Variants in TGM6 observed in about 807,000 individuals in gnomAD.
The protein encoded by TGM6 is transglutaminase 6.
TGM6 carries 74 observed loss-of-function variants against 77.5 expected under a neutral mutation model. That is an observed-to-expected ratio of 0.96 (90% CI 0.79 to 1.16). TGM6 has a LOEUF of 1.16. TGM6 is among the 50% of genes most tolerant of loss of function. The pLI, the probability that TGM6 is intolerant of heterozygous loss-of-function variation, is 0.00. For synonymous variants in TGM6, 383 were observed against 378.9 expected, an observed-to-expected ratio of 1.01 and a Z score of -0.12; for missense variants, 968 against 940.2, an observed-to-expected ratio of 1.03 and a Z score of -0.39.
At chr20:2,385,040 T>C (rs1178996789) in intron 1 of TGM6, among the ~76,000 whole-genome samples, 4 of 152,120 alleles carry the variant, frequency 2.6e-5, no homozygotes, top group Non-Finnish European at 4.4e-5. Context: ...ATCCCCTCCA[T>C]TGGGCAGTGG....
At chr20:2,404,391 A>G (rs1489229265) in intron 9 of TGM6, among the ~76,000 whole-genome samples, 6 of 152,202 alleles carry the variant, frequency 3.9e-5, no homozygotes, top group Admixed American at 2.0e-4. Context: ...CCCACTGTGT[A>G]ACAGGTTCCT....
Position 2,432,616 on chromosome 20 carries a change from G to A in TGM6, c.2094G>A (p.Val698=), listed in dbSNP as rs375084922. 1 of 1,614,158 alleles carries A rather than the reference G, an allele frequency of 6.2e-7. No homozygotes were observed. Among genetic ancestry groups the A allele is most frequent in the Non-Finnish European group, 8.5e-7 (1 of 1,180,034 alleles). The part of the protein sequence containing the change: ...SPHFPDIKGF[V]IVHVATAK ...ACTTCCCGGACATCAAGGGCTTTGT[G>A]ATCGTCCATGTGGCCACTGCCAAGT... The change falls in exon 13 of 13, where the codon GTG becomes GTA. Residue 698 remains valine (V), a synonymous_variant. Transcript: ENST00000202625.
At chr20:2,431,355 T>C (rs573360145) in intron 12 of TGM6, among the ~76,000 whole-genome samples, 2 of 152,372 alleles carry the variant, frequency 1.3e-5, no homozygotes, top group African/African-American at 4.8e-5. Flanking sequence ...GCTTACTCTT[T>C]ATTCACTCAT....
chr20:2,401,018 A>C (rs2084705361), intron 7 of TGM6, among the ~76,000 whole-genome samples: 1 of 151,994 alleles, frequency 6.6e-6, no homozygotes, highest in African/African-American at 2.4e-5. Flanking sequence ...CACCCTGGTC[A>C]ACATAGTGAA....
intron 4 of TGM6, among the ~76,000 whole-genome samples, chr20:2,396,993 C>A (rs75737558): frequency 7.2e-5 from 11 of 152,168 alleles, no homozygotes; most frequent in Non-Finnish European, 8.8e-5. Flanking sequence ...TGAGAATGTG[C>A]GTTTCTAACC....
intron 1 of TGM6, among the ~76,000 whole-genome samples, chr20:2,388,255 A>T (rs2084608853): frequency 6.6e-6 from 1 of 152,350 alleles, no homozygotes; most frequent in Non-Finnish European, 1.5e-5. Flanking sequence ...TTTTACAAAG[A>T]TGCTGGAATC....
chr20:2,398,092 C>T (rs754144962), intron 5 of TGM6, 46 bp downstream of exon 5: 1 of 1,613,980 alleles, frequency 6.2e-7, no homozygotes, highest in East Asian at 2.2e-5. Context: ...TCAAGGATCC[C>T]CCAGCCAACC....
chr20:2,385,899 G>A (rs183977597), intron 1 of TGM6, among the ~76,000 whole-genome samples: 4 of 152,296 alleles, frequency 2.6e-5, no homozygotes, highest in South Asian at 2.1e-4. Context: ...CTCAGCCTTC[G>A]CCTTCATGGA....
chr20:2,430,104 A>G (rs919084426), intron 10 of TGM6, among the ~76,000 whole-genome samples: 1 of 152,174 alleles, frequency 6.6e-6, no homozygotes, highest in Non-Finnish European at 1.5e-5. Flanking sequence ...TGAATGGATG[A>G]TGGGCTGAGA....
intron 10 of TGM6, among the ~76,000 whole-genome samples, chr20:2,421,084 T>G (rs2084853310): frequency 6.6e-6 from 1 of 152,112 alleles, no homozygotes; most frequent in Admixed American, 6.6e-5. Context: ...CCTCCCGGGT[T>G]CAAGTGATTC....
intron 5 of TGM6, among the ~76,000 whole-genome samples, chr20:2,399,242 G>A (rs1169130885): frequency 6.6e-6 from 1 of 151,992 alleles, no homozygotes; most frequent in Non-Finnish European, 1.5e-5. Context: ...GGCACACAAT[G>A]AGCATTTAAT....
At chr20:2,381,230 G>C (rs1483001223) in intron 1 of TGM6, among the ~76,000 whole-genome samples, 1 of 152,188 alleles carries the variant, frequency 6.6e-6, no homozygotes, top group African/African-American at 2.4e-5. Flanking sequence ...TCTCACCCCT[G>C]TGCCTCGGAG....
At chr20:2,413,138 TG>T (rs2084794699) in intron 9 of TGM6, among the ~76,000 whole-genome samples, 1 of 152,176 alleles carries the variant, frequency 6.6e-6, no homozygotes, top group South Asian at 2.1e-4. Context: ...CAGCCAGGCA[TG>T]GTGGCTTATG....
At chr20:2,387,439 A>T (rs191962520) in intron 1 of TGM6, among the ~76,000 whole-genome samples, 4 of 152,350 alleles carry the variant, frequency 2.6e-5, no homozygotes, top group Admixed American at 2.6e-4. Context: ...CACTCACCAC[A>T]GCAGGGGCTG....
chr20:2,415,405 G>A (rs889515817), intron 9 of TGM6, among the ~76,000 whole-genome samples: 1 of 152,176 alleles, frequency 6.6e-6, no homozygotes, highest in African/African-American at 2.4e-5. Context: ...GAATGGGATG[G>A]ATCCTACATT....
chr20:2,394,694 T>C, intron 2 of TGM6, 69 bp downstream of exon 2: 1 of 1,512,914 alleles, frequency 6.6e-7, no homozygotes, highest in South Asian at 1.2e-5. Flanking sequence ...CTCAGTAACA[T>C]AAGACCTTGC....
intron 10 of TGM6, among the ~76,000 whole-genome samples, chr20:2,426,212 G>A (rs954989089): frequency 6.6e-6 from 1 of 150,558 alleles, no homozygotes; most frequent in Non-Finnish European, 1.5e-5. Flanking sequence ...TGTAGATCTT[G>A]TACATATTTT....
intron 10 of TGM6, among the ~76,000 whole-genome samples, chr20:2,425,108 A>C (rs897318058): frequency 2.1e-4 from 32 of 152,306 alleles, no homozygotes; most frequent in African/African-American, 7.7e-4. Context: ...TTGGAGGCCA[A>C]AGTGAGAGAA....
At chr20:2,410,356 A>G (rs1442617850) in intron 9 of TGM6, among the ~76,000 whole-genome samples, 1 of 152,076 alleles carries the variant, frequency 6.6e-6, no homozygotes, top group Non-Finnish European at 1.5e-5. Flanking sequence ...ATGCTTAGAG[A>G]GGAGATGGAA....
Sources: allele counts gnomAD v4.1 joint callset (sites outside exome capture counted in the v4.1 genomes callset), GRCh38; gene constraint gnomAD v4.1.1; transcripts MANE v1.5; gene names NCBI Gene and HGNC (gene_info 2026-07-23, HGNC 2026-07-21).